SOS1: variants seen among roughly 807,000 people sequenced by gnomAD.
The protein encoded by SOS1 is SOS Ras/Rac guanine nucleotide exchange factor 1.
In SOS1, 25 loss-of-function variants were observed where a neutral mutation model predicts 157.6. The ratio of observed to expected loss-of-function variants is 0.16; its 90% confidence interval spans 0.12 to 0.22. SOS1 has a LOEUF of 0.22. Among genes scored for constraint, SOS1 ranks in the 10% least tolerant of loss-of-function variants. SOS1 has a pLI of 1.00. For synonymous variants in SOS1, 528 were observed against 534.0 expected, an observed-to-expected ratio of 0.99 and a Z score of 0.16; for missense variants, 1,237 against 1,599.1, an observed-to-expected ratio of 0.77 and a Z score of 3.86.
At chr2:39,023,939 A>G (rs1235167129) in intron 9 of SOS1, 71 bp downstream of exon 9, 11 of 1,060,772 alleles carry the variant, frequency 1.0e-5, no homozygotes, top group African/African-American at 3.1e-5. Flanking sequence ...TTGAGGAGGG[A>G]ACTGGGATCC....
intron 1 of SOS1, among the ~76,000 whole-genome samples, chr2:39,093,461 T>C (rs1427455581): frequency 1.3e-5 from 2 of 152,178 alleles, no homozygotes; most frequent in Non-Finnish European, 2.9e-5. Context: ...GTCTTTCTGA[T>C]TACAATGCCA....
rs114172740 is a variant in SOS1, at chr2:39,066,328, C to T, written c.213+1300G>A. Reference sequence around the variant, plus strand: ...CCAACTATCTTTTTTTGTGCTCACACTTGAGTGCTGCAAAAGCAAAGTCAC... The same window carrying T: ...CCAACTATCTTTTTTTGTGCTCACATTTGAGTGCTGCAAAAGCAAAGTCAC... On this transcript the variant is annotated intron_variant, in intron 2 of 22. Transcript: ENST00000402219. Among the ~76,000 whole-genome samples the T allele has an allele frequency of 2.4e-3, 369 of 152,314 alleles. 1 individual carries two copies. The highest frequency in any genetic ancestry group is 8.4e-3 in the African/African-American group (351 of 41,576).
At chr2:39,037,172 A>G (rs1322414798) in intron 6 of SOS1, among the ~76,000 whole-genome samples, 1 of 152,214 alleles carries the variant, frequency 6.6e-6, no homozygotes, top group Non-Finnish European at 1.5e-5. Flanking sequence ...TCATAATATA[A>G]CACCAGAAAT....
intron 6 of SOS1, among the ~76,000 whole-genome samples, chr2:39,036,382 ACT>A (rs1670344341): frequency 6.6e-6 from 1 of 151,988 alleles, no homozygotes; most frequent in Non-Finnish European, 1.5e-5. Context: ...TCTTGGTCTT[ACT>A]CTGTCACCCA....
intron 1 of SOS1, chr2:39,098,026 C>G (rs1011922562): frequency 3.9e-5 from 6 of 152,156 alleles, no homozygotes; most frequent in African/African-American, 1.4e-4. Flanking sequence ...CACTGGGCAT[C>G]ATTAGTTTAG....
chr2:39,078,796 T>A (rs1014656023), intron 1 of SOS1, among the ~76,000 whole-genome samples: 3 of 152,090 alleles, frequency 2.0e-5, no homozygotes, highest in African/African-American at 7.2e-5. Context: ...GCGCGGTGAT[T>A]CATGCCTGTA....
intron 5 of SOS1, among the ~76,000 whole-genome samples, chr2:39,052,627 TTTC>T (rs1443953153): frequency 2.0e-5 from 3 of 152,230 alleles, no homozygotes; most frequent in Non-Finnish European, 2.9e-5. Flanking sequence ...CGCATAACTA[TTTC>T]TTTTTATTCC....
chr2:39,091,648 G>C (rs1241199540), intron 1 of SOS1, among the ~76,000 whole-genome samples: 1 of 150,874 alleles, frequency 6.6e-6, no homozygotes, highest in Non-Finnish European at 1.5e-5. Flanking sequence ...CACATTCTTT[G>C]CCTTTCAGAG....
At chr2:39,011,144 G>A (rs947385327) in intron 14 of SOS1, among the ~76,000 whole-genome samples, 10 of 152,118 alleles carry the variant, frequency 6.6e-5, no homozygotes, top group Non-Finnish European at 1.0e-4. Context: ...TGATCCACCC[G>A]CCTTGGCCTC....
chr2:39,010,514 CA>C, intron 15 of SOS1, 69 bp downstream of exon 15: 9 of 1,474,128 alleles, frequency 6.1e-6, no homozygotes, highest in Non-Finnish European at 8.5e-6. Flanking sequence ...AAAAAACAAA[CA>C]AAAAAATTGC....
At chr2:39,106,506 G>C (rs990331992) in intron 1 of SOS1, among the ~76,000 whole-genome samples, 1 of 148,856 alleles carries the variant, frequency 6.7e-6, no homozygotes, top group African/African-American at 2.5e-5. Flanking sequence ...CAGGAGAATG[G>C]CGTGAACCCG....
At position 39,120,992 on chromosome 2, in the gene SOS1, ACCG is replaced by A. The variant is rs898169157; in HGVS notation, c.-573_-571del. 3.2e-3 allele frequency: 566 copies of A among 175,836 alleles called. 1 individual carries two copies. The highest frequency in any genetic ancestry group is 4.4e-3 in the Non-Finnish European group (378 of 85,990). The allele number at this position is 175,836 out of a possible 1,614,324, so 10.9% of individuals were successfully genotyped here. A position where few individuals can be genotyped will look rare whatever the true frequency, so the allele number is the denominator to read the frequency against. Reference sequence around the variant, plus strand: ...AGGTGCCGCCGCGGCCGCCGCCGCCACCGCCGCCGCCGGTGTAGCGCTGGAGCT... The same window carrying A: ...AGGTGCCGCCGCGGCCGCCGCCGCCACCGCCGCCGGTGTAGCGCTGGAGCT... On this transcript the variant is annotated 5_prime_UTR_variant, in exon 1 of 23. Coordinates refer to ENST00000402219, the MANE Select transcript of SOS1 (RefSeq NM_005633.4).
intron 1 of SOS1, among the ~76,000 whole-genome samples, chr2:39,095,734 G>A (rs932708990): frequency 6.6e-6 from 1 of 152,178 alleles, no homozygotes; most frequent in African/African-American, 2.4e-5. Context: ...ATAGGATAGA[G>A]CCATGTGCAA....
chr2:38,985,995 T>C lies in SOS1; in HGVS notation c.3831A>G (p.Pro1277=), dbSNP rs2124454599. ...AATGAAGGTCCACTTCTTGTGTCAA[T>C]GGTGGTGATGGCAGATGCCTTCTTG... The part of the protein sequence containing the change: ...HGTRRHLPSP[P]LTQEVDLHSI... The change falls in exon 23 of 23, where the codon CCA becomes CCG. Residue 1277 remains proline (P), a synonymous_variant. Coordinates refer to ENST00000402219, the MANE Select transcript of SOS1 (RefSeq NM_005633.4). 4 of 1,613,954 alleles carry C rather than the reference T, an allele frequency of 2.5e-6. No individual in the cohort carries two copies. The highest frequency in any genetic ancestry group is 3.4e-6 in the Non-Finnish European group (4 of 1,179,876).
intron 14 of SOS1, 72 bp from the exon 15 acceptor site, chr2:39,010,775 G>T (rs1183922544): frequency 3.1e-6 from 4 of 1,271,754 alleles, no homozygotes; most frequent in Non-Finnish European, 3.4e-6. Flanking sequence ...TTAAGTAAAG[G>T]AGACAAATAA....
upstream of SOS1, among the ~76,000 whole-genome samples, chr2:39,121,950 T>G (rs1673907150): frequency 6.6e-6 from 1 of 152,218 alleles, no homozygotes; most frequent in Non-Finnish European, 1.5e-5. Flanking sequence ...GCAACCCTAT[T>G]ATTTTCATTT....
chr2:39,052,267 T>C (rs1252821050), intron 5 of SOS1, among the ~76,000 whole-genome samples: 1 of 151,554 alleles, frequency 6.6e-6, no homozygotes, highest in African/African-American at 2.4e-5. Flanking sequence ...TTAAAATTGG[T>C]TACTATTATT....
chr2:39,044,860 G>GCACACA (rs1203349999), intron 6 of SOS1, among the ~76,000 whole-genome samples: 4 of 24,670 alleles, frequency 1.6e-4, no homozygotes, highest in African/African-American at 9.6e-4. Context: ...ATGCGCGCGC[G>GCACACA]CGCGCACACA....
At chr2:39,027,798 G>C (rs1670014054) in intron 8 of SOS1, among the ~76,000 whole-genome samples, 1 of 151,460 alleles carries the variant, frequency 6.6e-6, no homozygotes, top group Admixed American at 6.6e-5. Context: ...ATATGAGATT[G>C]TACTTAAACT....
Sources: allele counts gnomAD v4.1 joint callset (sites outside exome capture counted in the v4.1 genomes callset), GRCh38; gene constraint gnomAD v4.1.1; transcripts MANE v1.5; gene names NCBI Gene and HGNC (gene_info 2026-07-23, HGNC 2026-07-21).